ACAT1: variants seen among roughly 807,000 people sequenced by gnomAD.
ACAT1 encodes the protein acetyl-CoA acetyltransferase, mitochondrial.
Under a neutral mutation model 47.3 loss-of-function variants are expected in ACAT1, and 28 were observed. That is an observed-to-expected ratio of 0.59 (90% CI 0.44 to 0.81). The LOEUF is 0.81. Ranked by LOEUF, ACAT1 falls within the 30% of genes least tolerant of loss-of-function variation. The pLI is 0.00. For synonymous variants in ACAT1, 181 were observed against 173.6 expected, an observed-to-expected ratio of 1.04 and a Z score of -0.34; for missense variants, 469 against 524.3, an observed-to-expected ratio of 0.89 and a Z score of 1.03.
intron 4 of ACAT1, 52 bp downstream of exon 4, chr11:108,134,368 G>A (rs777843440): frequency 6.9e-7 from 1 of 1,453,466 alleles, no homozygotes; most frequent in Non-Finnish European, 9.6e-7. Context: ...AAAGGGGCCG[G>A]GTGCGGTGGC....
chr11:108,140,455 T>A (rs1319398799), intron 7 of ACAT1, among the ~76,000 whole-genome samples: 1 of 152,218 alleles, frequency 6.6e-6, no homozygotes, highest in Non-Finnish European at 1.5e-5. Flanking sequence ...CTTTTTCCTG[T>A]GACAGTCAAT....
chr11:108,130,066 A>G (rs1285395255), intron 1 of ACAT1, among the ~76,000 whole-genome samples: 1 of 152,078 alleles, frequency 6.6e-6, no homozygotes, highest in African/African-American at 2.4e-5. Context: ...CTGAGTATAT[A>G]TGTTGCATTC....
At chr11:108,143,700 T>TA (rs1409312382) in intron 9 of ACAT1, 24 of 304,226 alleles carry the variant, frequency 7.9e-5, no homozygotes, top group African/African-American at 5.2e-4. Flanking sequence ...CCTTAGTCTT[T>TA]ACCCAGTGGC....
At chr11:108,146,028 C>G in intron 10 of ACAT1, 174 bp from the exon 11 acceptor site, 2 of 557,804 alleles carry the variant, frequency 3.6e-6, no homozygotes, top group Middle Eastern at 5.1e-4. Flanking sequence ...GCCTGGGAGA[C>G]AGAGCAAGAC....
rs2135334430 is a variant in ACAT1, at chr11:108,133,830, T to C, written c.131T>C (p.Ile44Thr). The change falls in exon 3 of 12, where the codon ATA (isoleucine) becomes ACA (threonine). Residue 44 changes from isoleucine (I) to threonine (T), a missense_variant. Ile to Thr is a moderately conservative substitution (Grantham distance 89, BLOSUM62 -1). Coordinates refer to ENST00000265838, the MANE Select transcript of ACAT1 (RefSeq NM_000019.4). ...CTTGTGTCTTGCCAGGAAGTGGTCA[T>C]AGTAAGTGCTACAAGAACACCCATT... ...VSKPTLKEVV[I>T]VSATRTPIGS... 1 of 1,613,944 alleles carries C rather than the reference T, an allele frequency of 6.2e-7. No homozygotes were observed. Among genetic ancestry groups the C allele is most frequent in the Non-Finnish European group, 8.5e-7 (1 of 1,179,862 alleles).
upstream of ACAT1, chr11:108,121,218 T>G: frequency 1.6e-5 from 4 of 254,538 alleles, no homozygotes; most frequent in East Asian, 1.1e-4. Context: ...AAAAAAAAAA[T>G]CCTAAAATAT....
chr11:108,137,674 G>A (rs1449036472), intron 5 of ACAT1, among the ~76,000 whole-genome samples: 2 of 152,152 alleles, frequency 1.3e-5, no homozygotes, highest in Non-Finnish European at 2.9e-5. Flanking sequence ...AGTCATGGTG[G>A]CTCACACCTG....
chr11:108,118,827 C>G (rs2077106283), upstream of ACAT1, among the ~76,000 whole-genome samples: 2 of 152,330 alleles, frequency 1.3e-5, no homozygotes, highest in South Asian at 4.1e-4. Context: ...CCTCAATGCT[C>G]CTAAATGTCT....
chr11:108,123,791 C>T (rs1367750736), intron 1 of ACAT1, among the ~76,000 whole-genome samples: 2 of 152,154 alleles, frequency 1.3e-5, no homozygotes, highest in African/African-American at 4.8e-5. Flanking sequence ...GCTGGGATTA[C>T]AGGTGTGAGC....
Position 108,124,517 on chromosome 11 carries a change from T to C in ACAT1, c.72+2839T>C, listed in dbSNP as rs1030676681. 5.3e-5 allele frequency among the ~76,000 whole-genome samples: 8 copies of C among 152,126 alleles called. No homozygotes were observed. In the South Asian group the frequency reaches 1.2e-3, roughly 24 times the overall value. ...ACCAGCTCACCAGGTGATCCACCTC[T>C]GATGATCTGCCCACCACAGCCTCCT... is the stretch of plus-strand genomic sequence containing the variant. On this transcript the variant is annotated intron_variant, in intron 1 of 11. Coordinates refer to ENST00000265838, the MANE Select transcript of ACAT1 (RefSeq NM_000019.4).
intron 1 of ACAT1, 127 bp from the exon 2 acceptor site, chr11:108,131,780 A>G: frequency 2.6e-6 from 1 of 379,550 alleles, no homozygotes; most frequent in East Asian, 4.6e-5. Context: ...TATTCTGACC[A>G]CAAAAAACTT....
At chr11:108,121,820 G>A in intron 1 of ACAT1, 142 bp downstream of exon 1, 1 of 911,718 alleles carries the variant, frequency 1.1e-6, no homozygotes, top group South Asian at 1.6e-5. Flanking sequence ...ACGGGTTCTG[G>A]TCCAAAAACC....
chr11:108,147,509 T>C lies in ACAT1; in HGVS notation c.*119T>C. ...CTGTTTCATTTTTTATTATTTTCTA[T>C]GTTAACTTTTAAAAATCAAAATGAT... is the stretch of plus-strand genomic sequence containing the variant. On this transcript the variant is annotated 3_prime_UTR_variant, in exon 12 of 12. Coordinates refer to ENST00000265838, the MANE Select transcript of ACAT1 (RefSeq NM_000019.4). 1 of 1,303,814 alleles carries C rather than the reference T, an allele frequency of 7.7e-7. No homozygotes were observed. Among genetic ancestry groups the C allele is most frequent in the South Asian group, 1.3e-5 (1 of 77,608 alleles). 80.8% of individuals were successfully genotyped at this position (1,303,814 alleles called of 1,614,324 possible). A position where few individuals can be genotyped will look rare whatever the true frequency, so the allele number is the denominator to read the frequency against.
chr11:108,134,939 C>T (rs1390051231), intron 4 of ACAT1, among the ~76,000 whole-genome samples: 3 of 76,088 alleles, frequency 3.9e-5, no homozygotes, highest in Non-Finnish European at 5.0e-5. Flanking sequence ...AGTGAGACTC[C>T]GTCTCAAAAA....
rs141838073 is a variant in ACAT1, at chr11:108,123,423, T to A, written c.72+1745T>A. Among the ~76,000 whole-genome samples, 22 of 152,336 alleles carry A rather than the reference T, an allele frequency of 1.4e-4. 1 individual carries two copies. The highest frequency in any genetic ancestry group is 1.3e-3 in the Admixed American group (20 of 15,294). On this transcript the variant is annotated intron_variant, in intron 1 of 11. Coordinates refer to ENST00000265838, the MANE Select transcript of ACAT1 (RefSeq NM_000019.4). ...ATTTCCAGTTTTCTGTGCTATTTTG[T>A]AGAATGGAATTTGACCTCTCATTAC... is the stretch of plus-strand genomic sequence containing the variant.
chr11:108,127,406 A>G (rs1391262593), intron 1 of ACAT1, among the ~76,000 whole-genome samples: 1 of 151,850 alleles, frequency 6.6e-6, no homozygotes, highest in Non-Finnish European at 1.5e-5. Context: ...CTAGGGCTAC[A>G]GGTGCCCGCC....
intron 1 of ACAT1, among the ~76,000 whole-genome samples, chr11:108,122,706 C>T (rs762446395): frequency 6.6e-6 from 1 of 152,096 alleles, no homozygotes; most frequent in Non-Finnish European, 1.5e-5. Flanking sequence ...TAAAATTGAT[C>T]CTGGGTGACT....
At chr11:108,143,944 AAAG>A (rs769046743) in intron 9 of ACAT1, 36 bp from the exon 10 acceptor site, 4 of 1,184,836 alleles carry the variant, frequency 3.4e-6, no homozygotes, top group Admixed American at 1.8e-5. Context: ...GTAAAAAAAA[AAAG>A]ATTTTAACAA....
Position 108,144,010 on chromosome 11 carries a change from T to C in ACAT1, c.968T>C (p.Ile323Thr), listed in dbSNP as rs755806238. Residue 323 changes from isoleucine (I) to threonine (T), a missense_variant, in exon 10 of 12, where the codon ATT becomes ACT. By Grantham distance (89) the Ile-to-Thr change is moderately conservative. Transcript: ENST00000265838. ...VAFADAAVEP[I>T]DFPIAPVYAA... ...TTTGCTGACGCTGCTGTAGAACCTA[T>C]TGATTTTCCAATTGCTCCTGTATAT... 20 of 1,353,782 alleles carry C rather than the reference T, an allele frequency of 1.5e-5. No individual in the cohort carries two copies. Among genetic ancestry groups the C allele is most frequent in the Admixed American group, 7.7e-5 (4 of 51,732 alleles). The allele number at this position is 1,353,782 out of a possible 1,614,324, so 83.9% of individuals were successfully genotyped here.
Sources: allele counts gnomAD v4.1 joint callset (sites outside exome capture counted in the v4.1 genomes callset), GRCh38; gene constraint gnomAD v4.1.1; transcripts MANE v1.5; gene names NCBI Gene and HGNC (gene_info 2026-07-23, HGNC 2026-07-21).